NRG3: variants seen among roughly 807,000 people sequenced by gnomAD.
The protein encoded by NRG3 is pro-neuregulin-3, membrane-bound isoform.
A neutral mutation model predicts 66.9 loss-of-function variants in NRG3; 31 were observed. The ratio of observed to expected loss-of-function variants is 0.46; its 90% CI spans 0.35 to 0.63. NRG3 has a LOEUF of 0.63. Among genes scored for constraint, NRG3 ranks in the 20% least tolerant of loss-of-function variants. NRG3 has a pLI of 0.00. For missense variants in NRG3, 910 were observed against 878.9 expected (o/e 1.04, Z -0.45); for synonymous variants, 393 against 359.4 (o/e 1.09, Z -1.06).
At chr10:82,628,466 G>T (rs1015737080) in intron 2 of NRG3, among the ~76,000 whole-genome samples, 1 of 152,142 alleles carries the variant, frequency 6.6e-6, no homozygotes, top group South Asian at 2.1e-4. Context: ...ACCATCCCAT[G>T]GAACTAGAAG....
intron 1 of NRG3, among the ~76,000 whole-genome samples, chr10:82,311,965 T>G (rs1422703170): frequency 2.0e-5 from 3 of 152,184 alleles, no homozygotes; most frequent in African/African-American, 7.2e-5. Context: ...GAACAAATTA[T>G]TCAACCTCTC....
At chr10:82,758,097 A>C (rs777453228) in intron 3 of NRG3, among the ~76,000 whole-genome samples, 1 of 152,070 alleles carries the variant, frequency 6.6e-6, no homozygotes, top group Non-Finnish European at 1.5e-5. Flanking sequence ...GCTTTGATTT[A>C]CTACAGTTGA....
chr10:82,921,140 TAA>T (rs1233544513), intron 4 of NRG3, among the ~76,000 whole-genome samples: 1 of 152,112 alleles, frequency 6.6e-6, no homozygotes, highest in Non-Finnish European at 1.5e-5. Context: ...TCAACAGTGA[TAA>T]GTCATATTGA....
At chr10:82,224,284 C>A (rs1396204362) in intron 1 of NRG3, 1 of 152,132 alleles carries the variant, frequency 6.6e-6, no homozygotes, top group Non-Finnish European at 1.5e-5. Flanking sequence ...GCTGTCTTCC[C>A]CTAGACTAGG....
intron 1 of NRG3, among the ~76,000 whole-genome samples, chr10:82,266,127 A>G (rs2078281130): frequency 6.6e-6 from 1 of 152,156 alleles, no homozygotes; most frequent in African/African-American, 2.4e-5. Flanking sequence ...GATCTTCAAA[A>G]TAGTGTATGC....
chr10:82,419,205 A>G (rs2088872534), intron 2 of NRG3, among the ~76,000 whole-genome samples: 1 of 152,226 alleles, frequency 6.6e-6, no homozygotes, highest in South Asian at 2.1e-4. Context: ...TGGAAATGAC[A>G]TCATAAATTC....
intron 6 of NRG3, among the ~76,000 whole-genome samples, chr10:82,964,738 A>C (rs1592112378): frequency 6.6e-6 from 1 of 152,142 alleles, no homozygotes; most frequent in South Asian, 2.1e-4. Context: ...GACATTTAAA[A>C]CTGCCTAAAA....
intron 1 of NRG3, among the ~76,000 whole-genome samples, chr10:82,004,439 A>T (rs2061304100): frequency 6.6e-6 from 1 of 152,178 alleles, no homozygotes; most frequent in African/African-American, 2.4e-5. Context: ...AACTTTTCAC[A>T]CAATCTTCTC....
At chr10:82,525,501 A>C (rs750120373) in intron 2 of NRG3, among the ~76,000 whole-genome samples, 4 of 151,916 alleles carry the variant, frequency 2.6e-5, no homozygotes, top group Non-Finnish European at 5.9e-5. Flanking sequence ...ACAAACTATG[A>C]ATTTATGATA....
intron 2 of NRG3, among the ~76,000 whole-genome samples, chr10:82,496,298 C>A (rs1590349057): frequency 6.6e-6 from 1 of 152,296 alleles, no homozygotes; most frequent in Middle Eastern, 3.4e-3. Flanking sequence ...GGCAAGGAGA[C>A]AAGGTCAGCA....
intron 2 of NRG3, among the ~76,000 whole-genome samples, chr10:82,724,310 A>T (rs2057472984): frequency 6.6e-6 from 1 of 152,090 alleles, no homozygotes; most frequent in African/African-American, 2.4e-5. Context: ...ATTCGGTCCA[A>T]AGCTTCCTTG....
intron 3 of NRG3, among the ~76,000 whole-genome samples, chr10:82,763,446 A>G (rs918944034): frequency 6.6e-6 from 1 of 152,222 alleles, no homozygotes; most frequent in Non-Finnish European, 1.5e-5. Flanking sequence ...TAGCAATAGA[A>G]TTATAGAGGA....
At chr10:82,583,005 A>G (rs936159537) in intron 2 of NRG3, among the ~76,000 whole-genome samples, 11 of 152,328 alleles carry the variant, frequency 7.2e-5, no homozygotes, top group African/African-American at 2.2e-4. Flanking sequence ...TCAGCAAATC[A>G]AATGACAGAT....
chr10:82,290,292 A>C lies in NRG3; in HGVS notation c.824-68447A>C, dbSNP rs918168932. Among the ~76,000 whole-genome samples the C allele has an allele frequency of 2.2e-4, 34 of 152,188 alleles. 1 individual carries two copies. The highest frequency in any genetic ancestry group is 2.2e-3 in the Admixed American group (33 of 15,284). On this transcript the variant is annotated intron_variant, in intron 1 of 8. Transcript: ENST00000372141. Reference sequence around the variant, plus strand: ...ATTTTTGCTGTCAAACTTATGTTAAAATTTCAGCAATAACAGTTTATTTGT... The same window carrying C: ...ATTTTTGCTGTCAAACTTATGTTAACATTTCAGCAATAACAGTTTATTTGT...
intron 2 of NRG3, among the ~76,000 whole-genome samples, chr10:82,663,995 T>C (rs1404963936): frequency 6.6e-6 from 1 of 152,226 alleles, no homozygotes; most frequent in East Asian, 1.9e-4. Flanking sequence ...AGCCTTATTA[T>C]GCTGACCCAT....
chr10:82,256,856 A>G (rs2134159845), intron 1 of NRG3, among the ~76,000 whole-genome samples: 1 of 152,340 alleles, frequency 6.6e-6, no homozygotes, highest in South Asian at 2.1e-4. Flanking sequence ...AAAGAGAGGC[A>G]GGGAACATTA....
At chr10:82,204,092 T>C (rs983587333) in intron 1 of NRG3, among the ~76,000 whole-genome samples, 9 of 152,362 alleles carry the variant, frequency 5.9e-5, no homozygotes, top group Admixed American at 3.9e-4. Context: ...TAAAGTTGAC[T>C]GTACAATTTA....
intron 3 of NRG3, among the ~76,000 whole-genome samples, chr10:82,804,849 T>G (rs2061212633): frequency 6.6e-6 from 1 of 152,148 alleles, no homozygotes; most frequent in South Asian, 2.1e-4. Flanking sequence ...GTACACATTC[T>G]CAAATTTACC....
chr10:82,586,822 A>C (rs17100288), intron 2 of NRG3, among the ~76,000 whole-genome samples: 1 of 152,208 alleles, frequency 6.6e-6, no homozygotes. Flanking sequence ...TGTAGAATTT[A>C]TGTATATTGT....
Sources: gnomAD v4.1 joint callset for allele counts (sites outside exome capture counted in the v4.1 genomes callset) on GRCh38, gnomAD v4.1.1 for gene constraint, MANE v1.5 for transcripts, NCBI Gene and HGNC (gene_info 2026-07-23, HGNC 2026-07-21) for gene names.